MALRD1: variants seen among roughly 807,000 people sequenced by gnomAD.
The protein encoded by MALRD1 is MAM and LDL-receptor class A domain-containing protein 1.
In MALRD1, 247 loss-of-function variants were observed where a neutral mutation model predicts 242.1. That is an observed-to-expected ratio of 1.02 (90% CI 0.92 to 1.13). MALRD1 has a LOEUF of 1.13. Among genes scored for constraint, MALRD1 ranks in the 50% most tolerant of loss-of-function variants. The pLI is 0.00. For synonymous variants in MALRD1, 995 were observed against 866.6 expected, an observed-to-expected ratio of 1.15 and a Z score of -2.60; for missense variants, 2,989 against 2,533.1, an observed-to-expected ratio of 1.18 and a Z score of -3.86.
At chr10:19,581,309 G>A (rs573912718) in intron 33 of MALRD1, among the ~76,000 whole-genome samples, 2,183 of 150,542 alleles carry the variant, frequency 0.015, 42 homozygotes, top group African/African-American at 0.048. Flanking sequence ...ATGCTGGTGC[G>A]CTGCACCCAC....
intron 31 of MALRD1, among the ~76,000 whole-genome samples, chr10:19,499,044 C>A (rs543208043): frequency 6.6e-6 from 1 of 152,240 alleles, no homozygotes; most frequent in African/African-American, 2.4e-5. Flanking sequence ...AATGGCTGAC[C>A]ACCAATTTCC....
At chr10:19,615,516 C>CA (rs530920512) in intron 35 of MALRD1, among the ~76,000 whole-genome samples, 2,365 of 37,090 alleles carry the variant, frequency 0.064, 230 homozygotes, top group African/African-American at 0.2. Flanking sequence ...GACCCTGCCT[C>CA]AAAAAAAAAA....
chr10:19,649,692 TG>T (rs1309371645), intron 36 of MALRD1, among the ~76,000 whole-genome samples: 1 of 152,192 alleles, frequency 6.6e-6, no homozygotes, highest in Non-Finnish European at 1.5e-5. Flanking sequence ...CTGTTTACTC[TG>T]TTAATAGTTT....
intron 36 of MALRD1, among the ~76,000 whole-genome samples, chr10:19,635,994 G>A (rs938273815): frequency 6.6e-6 from 1 of 151,842 alleles, no homozygotes; most frequent in African/African-American, 2.4e-5. Context: ...TCCTCTTCCT[G>A]GGTTCAAGCA....
Position 19,607,811 on chromosome 10 carries a change from T to TACA in MALRD1, c.5979_5980insACA (p.Cys1993_Ala1994insThr). On this transcript the variant is annotated inframe_insertion, in exon 35 of 40. Transcript: ENST00000454679. ...GCTGTTCTAATGGAGCTCTGGTGTGTGCCTCCTCCAACAGCTGTATCCCAG... is the reference window on the plus strand; with the variant it reads ...GCTGTTCTAATGGAGCTCTGGTGTGTACAGCCTCCTCCAACAGCTGTATCCCAG... The TACA allele has an allele frequency of 5.2e-6, 8 of 1,549,846 alleles. No individual in the cohort carries two copies. Among genetic ancestry groups the TACA allele is most frequent in the South Asian group, 1.2e-5 (1 of 84,038 alleles).
At chr10:19,594,028 C>T (rs534226486) in intron 33 of MALRD1, among the ~76,000 whole-genome samples, 32 of 152,214 alleles carry the variant, frequency 2.1e-4, no homozygotes, top group Non-Finnish European at 3.7e-4. Context: ...TTTCTGTGGC[C>T]CAACCCTGGC....
At chr10:19,526,491 T>C (rs1470148734) in intron 31 of MALRD1, among the ~76,000 whole-genome samples, 1 of 152,110 alleles carries the variant, frequency 6.6e-6, no homozygotes, top group Non-Finnish European at 1.5e-5. Flanking sequence ...CTTTTAAATT[T>C]CCAGGTACAT....
chr10:19,310,936 G>C (rs1045238404), intron 21 of MALRD1, among the ~76,000 whole-genome samples: 3 of 151,412 alleles, frequency 2.0e-5, no homozygotes, highest in African/African-American at 7.3e-5. Flanking sequence ...CAAGGGAAAC[G>C]ACACTGACTA....
chr10:19,385,691 T>G (rs1293419705), intron 26 of MALRD1, among the ~76,000 whole-genome samples: 2 of 152,094 alleles, frequency 1.3e-5, no homozygotes, highest in Non-Finnish European at 2.9e-5. Flanking sequence ...AACCATGTAT[T>G]TTATTGACAT....
At chr10:19,697,905 T>C (rs1251694317) in intron 38 of MALRD1, among the ~76,000 whole-genome samples, 1 of 152,208 alleles carries the variant, frequency 6.6e-6, no homozygotes, top group Non-Finnish European at 1.5e-5. Context: ...TTTCTTCCAG[T>C]AACTTATTTA....
chr10:19,459,864 T>C (rs1564361420), intron 29 of MALRD1, among the ~76,000 whole-genome samples: 1 of 151,654 alleles, frequency 6.6e-6, no homozygotes, highest in Non-Finnish European at 1.5e-5. Flanking sequence ...ATTTACATTA[T>C]TAAGAAAAAA....
chr10:19,127,554 A>G lies in MALRD1; in HGVS notation c.944-667A>G, dbSNP rs191965371. On this transcript the variant is annotated intron_variant, in intron 7 of 39. Coordinates refer to ENST00000454679, the MANE Select transcript of MALRD1 (RefSeq NM_001142308.3). ...AGCATGAAGAAGCAATTCAGACTTT[A>G]TTTTTGAAAATGAAGTTGTAAAATT... is the stretch of plus-strand genomic sequence containing the variant. Among the ~76,000 whole-genome samples the G allele has an allele frequency of 8.1e-4, 124 of 152,298 alleles. 1 individual carries two copies. Among genetic ancestry groups the G allele is most frequent in the Admixed American group, 1.4e-3 (22 of 15,274 alleles).
chr10:19,173,647 A>C (rs10827012), intron 13 of MALRD1, among the ~76,000 whole-genome samples: 66,950 of 151,958 alleles, frequency 0.44, 15,072 homozygotes, highest in Admixed American at 0.5. Flanking sequence ...CTAAACACAC[A>C]ATACACTTTC....
At chr10:19,670,860 A>G (rs543003359) in intron 36 of MALRD1, among the ~76,000 whole-genome samples, 119 of 150,658 alleles carry the variant, frequency 7.9e-4, no homozygotes, top group Non-Finnish European at 1.3e-3. Flanking sequence ...TAATATCTTT[A>G]TTTCTCAACA....
Position 19,498,581 on chromosome 10 carries a change from T to A in MALRD1, c.5255T>A (p.Leu1752Ter), listed in dbSNP as rs575455761. The A allele has an allele frequency of 6.5e-7, 1 of 1,550,316 alleles. No individual in the cohort carries two copies. Among genetic ancestry groups the A allele is most frequent in the East Asian group, 2.4e-5 (1 of 40,904 alleles). ...CSLTQDSEDD[L>*]DWAIGSRIPA... ...CTTACTCAAGACTCTGAGGATGACTTGGACTGGGCCATTGGCAGCAGAATT... is the reference window on the plus strand; with the variant it reads ...CTTACTCAAGACTCTGAGGATGACTAGGACTGGGCCATTGGCAGCAGAATT... The change falls in exon 31 of 40, where the codon TTG becomes TAG. Residue 1752 changes from leucine (L) to a stop codon, truncating the protein, a stop_gained. Coordinates refer to ENST00000454679, the MANE Select transcript of MALRD1 (RefSeq NM_001142308.3). LOFTEE classifies it high-confidence loss of function.
chr10:19,139,209 A>G (rs905109916), intron 10 of MALRD1, among the ~76,000 whole-genome samples: 1 of 152,252 alleles, frequency 6.6e-6, no homozygotes. Context: ...ATATAAATTT[A>G]CACTATTTGC....
At chr10:19,533,250 A>G (rs1193172212) in intron 32 of MALRD1, among the ~76,000 whole-genome samples, 1 of 152,170 alleles carries the variant, frequency 6.6e-6, no homozygotes, top group Non-Finnish European at 1.5e-5. Flanking sequence ...TTTGAAATAG[A>G]AATAGTGACC....
At chr10:19,394,986 T>C (rs1846516006) in intron 28 of MALRD1, among the ~76,000 whole-genome samples, 1 of 152,212 alleles carries the variant, frequency 6.6e-6, no homozygotes, top group African/African-American at 2.4e-5. Context: ...ATTCATAGAA[T>C]CTAGATAGGG....
chr10:19,510,751 T>C (rs889688441), intron 31 of MALRD1, among the ~76,000 whole-genome samples: 10 of 152,214 alleles, frequency 6.6e-5, no homozygotes, highest in Non-Finnish European at 1.2e-4. Flanking sequence ...TGATCTCTCT[T>C]TCTTTTCCCC....
Sources: allele counts gnomAD v4.1 joint callset (sites outside exome capture counted in the v4.1 genomes callset), GRCh38; gene constraint gnomAD v4.1.1; transcripts MANE v1.5; gene names NCBI Gene and HGNC (gene_info 2026-07-23, HGNC 2026-07-21).